Variants in PINK1 observed in about 807,000 individuals in gnomAD.
PINK1 encodes the protein PTEN induced kinase 1, also known as serine/threonine-protein kinase PINK1, mitochondrial.
Under a neutral mutation model 56.0 loss-of-function variants are expected in PINK1, and 58 were observed. That is an observed-to-expected ratio of 1.04 (90% CI 0.84 to 1.29). The LOEUF (loss-of-function observed/expected upper bound fraction) is 1.29. Among genes scored for constraint, PINK1 ranks in the 50% most tolerant of loss-of-function variants. The probability of loss-of-function intolerance (pLI) is 0.00; values close to 1 mark genes in which losing one functional copy is unlikely to be tolerated. For synonymous variants in PINK1, 354 were observed against 339.3 expected, an observed-to-expected ratio of 1.04 and a Z score of -0.48; for missense variants, 745 against 777.9, an observed-to-expected ratio of 0.96 and a Z score of 0.50.
At position 20,650,508 on chromosome 1, in the gene PINK1, T is replaced by G. The variant is rs1285137369; in HGVS notation, c.1563T>G (p.Asn521Lys). The G allele has an allele frequency of 6.2e-7, 1 of 1,614,186 alleles. No homozygotes were observed. The highest frequency in any genetic ancestry group is 2.2e-5 in the East Asian group (1 of 44,876). The change falls in exon 8 of 8, where the codon AAT becomes AAG. Residue 521 changes from asparagine to lysine, a missense_variant. Physicochemically the swap from Asn to Lys is moderately conservative, Grantham distance 94 (BLOSUM62 0). Coordinates refer to ENST00000321556, the MANE Select transcript of PINK1 (RefSeq NM_032409.3). ...LWGEHILALK[N>K]LKLDKMVGWL... ...GTGAACATATTCTAGCCCTGAAGAA[T>G]CTGAAGTTAGACAAGATGGTTGGCT...
intron 6 of PINK1, 158 bp downstream of exon 6, chr1:20,648,790 T>C: frequency 1.5e-6 from 2 of 1,355,952 alleles, no homozygotes; most frequent in Non-Finnish European, 2.0e-6. Context: ...TCCTCCGGCG[T>C]TCCCTCATGT....
chr1:20,639,839 C>A (rs2053097240), intron 2 of PINK1, 53 bp from the exon 3 acceptor site: 2 of 1,535,888 alleles, frequency 1.3e-6, no homozygotes, highest in South Asian at 1.2e-5. Flanking sequence ...TTACAAGGAA[C>A]TTACCATTCT....
At chr1:20,649,369 C>A (rs2053235508) in intron 7 of PINK1, 138 bp downstream of exon 7, 4 of 883,696 alleles carry the variant, frequency 4.5e-6, no homozygotes, top group African/African-American at 1.7e-5. Flanking sequence ...TACAAGAGAA[C>A]AAAAAACAGA....
intron 2 of PINK1, 125 bp downstream of exon 2, chr1:20,638,254 T>TGG: frequency 8.6e-7 from 1 of 1,157,814 alleles, no homozygotes; most frequent in Non-Finnish European, 1.2e-6. Context: ...AAGGTGCCTG[T>TGG]ATAGTCAGGT....
intron 7 of PINK1, 131 bp downstream of exon 7, chr1:20,649,362 A>G (rs2053235480): frequency 2.1e-6 from 2 of 951,200 alleles, no homozygotes; most frequent in South Asian, 1.5e-5. Flanking sequence ...GGCTAGTTAC[A>G]AGAGAACAAA....
At chr1:20,645,323 T>C (rs2053164563) in intron 4 of PINK1, among the ~76,000 whole-genome samples, 2 of 152,080 alleles carry the variant, frequency 1.3e-5, no homozygotes, top group East Asian at 3.9e-4. Context: ...ACCCTGTATC[T>C]ACTAAACATA....
rs757930144 is a variant in PINK1 at position 20,633,764 on chromosome 1, G to T, written c.216G>T (p.Gln72His). The T allele has an allele frequency of 1.9e-6, 3 of 1,557,774 alleles. No homozygotes were observed. The highest frequency in any genetic ancestry group is 2.6e-6 in the Non-Finnish European group (3 of 1,157,782). ...GLPNRLRFFR[Q>H]SVAGLAARLQ... ...CTAACCGTCTCCGCTTCTTCCGCCA[G>T]TCGGTGGCCGGGCTGGCGGCGCGGT... Residue 72 changes from glutamine to histidine, a missense_variant, in exon 1 of 8, where the codon CAG becomes CAT. By Grantham distance (24) the Gln-to-His change is conservative. Coordinates refer to ENST00000321556, the MANE Select transcript of PINK1 (RefSeq NM_032409.3).
At chr1:20,644,197 T>C (rs2053148640) in intron 3 of PINK1, among the ~76,000 whole-genome samples, 1 of 152,186 alleles carries the variant, frequency 6.6e-6, no homozygotes, top group Admixed American at 6.5e-5. Context: ...GGCAGTCTGA[T>C]ACCAGGGTTT....
chr1:20,650,781 G>A lies in PINK1; in HGVS notation c.*90G>A, dbSNP rs574322103. ...TGAATGGTGAGGGTGGGAGTCAGGAGACAAGACAGCGCAGAGAGGGCTGGT... is the reference window on the plus strand; with the variant it reads ...TGAATGGTGAGGGTGGGAGTCAGGAAACAAGACAGCGCAGAGAGGGCTGGT... On this transcript the variant is annotated 3_prime_UTR_variant, in exon 8 of 8. Transcript: ENST00000321556. 1.3e-6 allele frequency: 2 copies of A among 1,531,464 alleles called. No individual in the cohort carries two copies. The highest frequency in any genetic ancestry group is 1.4e-5 in the African/African-American group (1 of 73,366). The allele number at this position is 1,531,464 out of a possible 1,614,324, so 94.9% of individuals were successfully genotyped here.
rs1471426520 is a variant in PINK1, at chr1:20,637,834, C to T, written c.388-8C>T. The T allele has an allele frequency of 5.6e-6, 9 of 1,613,776 alleles. No homozygotes were observed. The highest frequency in any genetic ancestry group is 5.0e-5 in the Admixed American group (3 of 60,018). ...CCTGGCTCACGGTGCATTCTTTTCT[C>T]ATCACAGGCAATTTTTACCCAGAAA... On this transcript the variant is annotated splice_polypyrimidine_tract_variant and splice_region_variant and intron_variant, in intron 1 of 7. Coordinates refer to ENST00000321556, the MANE Select transcript of PINK1 (RefSeq NM_032409.3).
At chr1:20,648,450 C>G (rs1427975696) in intron 5 of PINK1, 55 bp from the exon 6 acceptor site, 3 of 1,610,866 alleles carry the variant, frequency 1.9e-6, no homozygotes, top group Non-Finnish European at 2.5e-6. Context: ...CATAGGAGGG[C>G]CTCTCAGAGG....
In PINK1 at chr1:20,633,813, G is replaced by C; in HGVS notation, c.265G>C (p.Ala89Pro). 2 of 1,576,982 alleles carry C rather than the reference G, an allele frequency of 1.3e-6. No homozygotes were observed. The highest frequency in any genetic ancestry group is 8.6e-7 in the Non-Finnish European group (1 of 1,165,738). Residue 89 changes from alanine to proline, a missense_variant, in exon 1 of 8, where the codon GCC becomes CCC. Transcript: ENST00000321556. ...GTTGCAGCGGCAGTTCGTGGTGCGG[G>C]CCTGGGGCTGCGCGGGCCCTTGCGG... ...ARLQRQFVVRAWGCAGPCGRA... is the reference protein window; with the variant it reads ...ARLQRQFVVRPWGCAGPCGRA...
At chr1:20,649,831 A>T in intron 7 of PINK1, 1 of 165,574 alleles carries the variant, frequency 6.0e-6, no homozygotes, top group South Asian at 1.5e-4. Flanking sequence ...GAAATGTTTA[A>T]TGGAGATGTA....
chr1:20,643,041 TC>T (rs1173132223), intron 3 of PINK1: 1 of 152,386 alleles, frequency 6.6e-6, no homozygotes, highest in Non-Finnish European at 1.5e-5. Flanking sequence ...CATCTCCTGT[TC>T]CTGCTTCCCT....
chr1:20,646,145 G>T (rs1018876769), intron 5 of PINK1, among the ~76,000 whole-genome samples: 2 of 151,888 alleles, frequency 1.3e-5, no homozygotes, highest in Non-Finnish European at 2.9e-5. Flanking sequence ...CGGAAAAAAA[G>T]TTAGCCAGGC....
intron 2 of PINK1, 185 bp downstream of exon 2, chr1:20,638,314 T>G (rs1390653074): frequency 8.4e-6 from 6 of 712,338 alleles, no homozygotes; most frequent in Admixed American, 2.9e-5. Flanking sequence ...TGAAATTGTA[T>G]TCTGCCCACA....
At chr1:20,639,629 T>G in intron 2 of PINK1, 1 of 536,178 alleles carries the variant, frequency 1.9e-6, no homozygotes, top group South Asian at 1.9e-5. Context: ...CTGATCACCT[T>G]GGCATCTCCT....
intron 7 of PINK1, chr1:20,649,772 A>C (rs1490626313): frequency 2.5e-5 from 4 of 161,820 alleles, no homozygotes; most frequent in African/African-American, 9.7e-5. Flanking sequence ...CTCAAAAAAA[A>C]AAAAAAAAAA....
rs2053073741 is a variant in PINK1, at chr1:20,637,932, C to A, written c.478C>A (p.Gln160Lys). 6.2e-7 allele frequency: 1 copy of A among 1,614,074 alleles called. No homozygotes were observed. The highest frequency in any genetic ancestry group is 1.3e-5 in the African/African-American group (1 of 74,922). ...TCGGCTGGAGGAGTATCTGATAGGG[C>A]AGTCCATTGGTAAGGGCTGCAGTGC... ...GFRLEEYLIG[Q>K]SIGKGCSAAV... Residue 160 changes from glutamine (Q) to lysine (K), a missense_variant, in exon 2 of 8, where the codon CAG becomes AAG. Physicochemically the swap from Gln to Lys is moderately conservative, Grantham distance 53. Transcript: ENST00000321556.
Sources: allele counts gnomAD v4.1 joint callset (sites outside exome capture counted in the v4.1 genomes callset), GRCh38; gene constraint gnomAD v4.1.1; transcripts MANE v1.5; gene names NCBI Gene and HGNC (gene_info 2026-07-23, HGNC 2026-07-21).